The following ARB2A variants were observed in gnomAD, a reference collection of about 807,000 sequenced individuals.
ARB2A encodes the protein cotranscriptional regulator ARB2A.
At chr5:93,795,261 G>T in the ARB2A span, among the ~76,000 whole-genome samples, 1 of 151,814 alleles carries the variant, frequency 6.6e-6, no homozygotes, top group Non-Finnish European at 1.5e-5. Flanking sequence ...GCCTCACCCC[G>T]CTCCCATGCG....
chr5:93,672,340 T>C, the ARB2A span, among the ~76,000 whole-genome samples: 2 of 151,072 alleles, frequency 1.3e-5, no homozygotes, highest in Non-Finnish European at 2.9e-5. Flanking sequence ...TTAGATGGAG[T>C]CTCGCTGTCA....
chr5:93,669,525 G>C, the ARB2A span, among the ~76,000 whole-genome samples: 1 of 152,260 alleles, frequency 6.6e-6, no homozygotes, highest in South Asian at 2.1e-4. Flanking sequence ...CATTTGTAAG[G>C]CATCATTAAC....
the ARB2A span, among the ~76,000 whole-genome samples, chr5:93,819,737 A>C: frequency 5.3e-5 from 8 of 152,200 alleles, no homozygotes; most frequent in African/African-American, 1.4e-4. Flanking sequence ...AATCCAAATC[A>C]TGCTCCAGGC....
the ARB2A span, chr5:93,736,815 G>A: frequency 6.6e-6 from 1 of 152,130 alleles, no homozygotes; most frequent in Non-Finnish European, 1.5e-5. Flanking sequence ...TCAACATGTA[G>A]AGTACGTATG....
At chr5:93,682,535 T>C in the ARB2A span, among the ~76,000 whole-genome samples, 1 of 151,730 alleles carries the variant, frequency 6.6e-6, no homozygotes, top group African/African-American at 2.4e-5. Flanking sequence ...ATTAAAATAC[T>C]GAGTTTTATT....
At chr5:93,788,122 A>G in the ARB2A span, among the ~76,000 whole-genome samples, 1 of 152,170 alleles carries the variant, frequency 6.6e-6, no homozygotes, top group Non-Finnish European at 1.5e-5. Flanking sequence ...TATCAAGTAC[A>G]GTACTTTGAA....
the ARB2A span, among the ~76,000 whole-genome samples, chr5:94,032,133 G>A: frequency 6.6e-6 from 1 of 152,166 alleles, no homozygotes; most frequent in Non-Finnish European, 1.5e-5. Context: ...GTACAAAGCT[G>A]CCACCTTCAA....
the ARB2A span, chr5:93,805,436 C>T: frequency 4.1e-6 from 4 of 985,070 alleles, no homozygotes; most frequent in Non-Finnish European, 4.8e-6. Context: ...AGTGTAAGCA[C>T]GGTGAACATA....
chr5:93,796,308 T>C, the ARB2A span, among the ~76,000 whole-genome samples: 1 of 152,344 alleles, frequency 6.6e-6, no homozygotes, highest in South Asian at 2.1e-4. Flanking sequence ...TAATCTTCAT[T>C]TGATCACATT....
the ARB2A span, among the ~76,000 whole-genome samples, chr5:93,806,732 CAG>C: frequency 5.3e-5 from 8 of 151,748 alleles, no homozygotes; most frequent in Non-Finnish European, 1.2e-4. Context: ...TTTTACAAAA[CAG>C]AATTATTAAA....
chr5:93,960,081 GC>G, the ARB2A span, among the ~76,000 whole-genome samples: 1,588 of 38,990 alleles, frequency 0.041, 45 homozygotes, highest in African/African-American at 0.087. Flanking sequence ...AACTCTAGAT[GC>G]CCCCCCCCCC....
chr5:93,969,012 T>A, the ARB2A span, among the ~76,000 whole-genome samples: 1 of 149,096 alleles, frequency 6.7e-6, no homozygotes, highest in African/African-American at 2.4e-5. Flanking sequence ...TTTAGGGAAT[T>A]TTTTTCTTTT....
At chr5:93,887,181 C>A in the ARB2A span, among the ~76,000 whole-genome samples, 2 of 150,696 alleles carry the variant, frequency 1.3e-5, no homozygotes, top group Non-Finnish European at 3.0e-5. Context: ...GGTCACACTG[C>A]ATTCCTCATT....
chr5:93,895,965 C>CT, the ARB2A span, among the ~76,000 whole-genome samples: 3 of 151,696 alleles, frequency 2.0e-5, no homozygotes, highest in Non-Finnish European at 4.4e-5. Context: ...AGAAAAAACA[C>CT]TTATAAGTGG....
At chr5:93,987,467 T>A in the ARB2A span, among the ~76,000 whole-genome samples, 1 of 152,186 alleles carries the variant, frequency 6.6e-6, no homozygotes, top group Admixed American at 6.5e-5. Context: ...TGGATTCATA[T>A]CCTCTTAAGT....
chr5:93,992,837 G>A, the ARB2A span, among the ~76,000 whole-genome samples: 2 of 151,830 alleles, frequency 1.3e-5, no homozygotes, highest in African/African-American at 4.8e-5. Flanking sequence ...AAGATTAAGA[G>A]GTATAAATCT....
chr5:93,875,069 A>C, the ARB2A span, among the ~76,000 whole-genome samples: 2 of 152,188 alleles, frequency 1.3e-5, no homozygotes, highest in African/African-American at 4.8e-5. Context: ...AGATGCTCCC[A>C]CCTCAGCCTC....
chr5:93,831,348 TA>T, the ARB2A span, among the ~76,000 whole-genome samples: 590 of 148,792 alleles, frequency 4.0e-3, 4 homozygotes, highest in African/African-American at 0.014. Context: ...GCCTACAAAG[TA>T]ACTGGAACTC....
At chr5:94,021,102 A>G in the ARB2A span, among the ~76,000 whole-genome samples, 10 of 152,314 alleles carry the variant, frequency 6.6e-5, no homozygotes, top group Admixed American at 6.5e-4. Flanking sequence ...AACTGCCTCC[A>G]CGACTAAAAA....
Sources: gnomAD v4.1 joint callset for allele counts (sites outside exome capture counted in the v4.1 genomes callset) on GRCh38, gnomAD v4.1.1 for gene constraint, MANE v1.5 for transcripts, NCBI Gene and HGNC (gene_info 2026-07-23, HGNC 2026-07-21) for gene names.